Variants in CFAP92 observed in about 807,000 individuals in gnomAD.
CFAP92 encodes the protein cilia and flagella associated protein 92 (putative).
CFAP92 carries 86 observed loss-of-function variants against 106.3 expected under a neutral mutation model. That is an observed-to-expected ratio of 0.81 (90% CI 0.68 to 0.97). The LOEUF is 0.97. CFAP92 is among the 50% of genes least tolerant of loss of function. The pLI, the probability that CFAP92 is intolerant of heterozygous loss-of-function variation, is 0.00. For synonymous variants in CFAP92, 477 were observed against 506.4 expected, an observed-to-expected ratio of 0.94 and a Z score of 0.78; for missense variants, 1,204 against 1,283.8, an observed-to-expected ratio of 0.94 and a Z score of 0.95.
intron 12 of CFAP92, among the ~76,000 whole-genome samples, chr3:128,920,845 C>T (rs2107685041): frequency 6.6e-6 from 1 of 152,340 alleles, no homozygotes; most frequent in East Asian, 1.9e-4. Context: ...TTGTTGGCTC[C>T]TTGCTTCTAG....
At position 128,921,806 on chromosome 3, in the gene CFAP92, G is replaced by A. The variant is rs542554913; in HGVS notation, c.2752-5535C>T. On this transcript the variant is annotated intron_variant, in intron 12 of 15. Coordinates refer to ENST00000645291, the MANE Select transcript of CFAP92 (RefSeq NM_001394090.1). ...CCCCTCAACAAACCAAGGCATATCC[G>A]GCACAGCCAGTGCCCTTACAAACAT... Among the ~76,000 whole-genome samples, 17 of 152,196 alleles carry A rather than the reference G, an allele frequency of 1.1e-4. No homozygotes were observed. The South Asian group carries it at 1.2e-3, about 11-fold the overall frequency.
At position 128,916,274 on chromosome 3, in the gene CFAP92, GAAGA is replaced by G. The variant is rs959734029; in HGVS notation, c.2752-7_2752-4del. The G allele has an allele frequency of 4.9e-6, 6 of 1,231,930 alleles. No individual in the cohort carries two copies. Among genetic ancestry groups the G allele is most frequent in the Admixed American group, 8.4e-5 (2 of 23,682 alleles). 76.3% of individuals were successfully genotyped at this position (1,231,930 alleles called of 1,614,324 possible). A position where few individuals can be genotyped will look rare whatever the true frequency, so the allele number is the denominator to read the frequency against. ...TGGTAGGCTTCTGTGATATTTTTCT[GAAGA>G]AAGAGACACCAGTCACTACCCACAC... On this transcript the variant is annotated splice_region_variant and splice_polypyrimidine_tract_variant and intron_variant, in intron 12 of 15. Transcript: ENST00000645291.
At chr3:129,025,533 A>G in the CFAP92 span, among the ~76,000 whole-genome samples, 1 of 152,234 alleles carries the variant, frequency 6.6e-6, no homozygotes, top group South Asian at 2.1e-4. Context: ...TAGTAGGCAC[A>G]GTGCTTTCAA....
intron 12 of CFAP92, among the ~76,000 whole-genome samples, chr3:128,931,088 T>C (rs1316988195): frequency 6.6e-6 from 1 of 152,168 alleles, no homozygotes; most frequent in Non-Finnish European, 1.5e-5. Context: ...GTATTTTTAG[T>C]AGAGACGGGT....
the CFAP92 span, among the ~76,000 whole-genome samples, chr3:129,025,298 C>G: frequency 1.3e-5 from 2 of 151,926 alleles, no homozygotes; most frequent in Non-Finnish European, 2.9e-5. Flanking sequence ...GGGGTCGGGA[C>G]GGAGAGGCAA....
chr3:129,022,884 G>A, the CFAP92 span, among the ~76,000 whole-genome samples: 1 of 152,238 alleles, frequency 6.6e-6, no homozygotes, highest in Non-Finnish European at 1.5e-5. Flanking sequence ...GGGCAGGGAG[G>A]TTGGGCCTTT....
intron 9 of CFAP92, among the ~76,000 whole-genome samples, chr3:128,961,260 C>T (rs1052219490): frequency 6.6e-6 from 1 of 152,162 alleles, no homozygotes; most frequent in South Asian, 2.1e-4. Context: ...ACATCAGTCC[C>T]TTCCTAGTCG....
chr3:128,943,424 G>A (rs1016035042), intron 10 of CFAP92, among the ~76,000 whole-genome samples: 9 of 152,126 alleles, frequency 5.9e-5, no homozygotes, highest in Non-Finnish European at 1.0e-4. Flanking sequence ...TGGATTTGCC[G>A]GTTCGGGACA....
chr3:129,010,740 C>T, the CFAP92 span, among the ~76,000 whole-genome samples: 1,336 of 152,220 alleles, frequency 8.8e-3, 20 homozygotes, highest in African/African-American at 0.03. The surrounding 1 kb of genome is among the most constrained non-coding windows in gnomAD (Gnocchi z 4.3). Context: ...TGGGAGGCCT[C>T]GGATTCCATC....
At chr3:129,002,558 A>C in intron 1 of CFAP92, 1 of 786,348 alleles carries the variant, frequency 1.3e-6, no homozygotes. Flanking sequence ...CCCCAATCAC[A>C]CTCAAACAAC....
intron 15 of CFAP92, chr3:128,912,672 ACTCTTTTTTC>A: frequency 7.3e-7 from 1 of 1,372,060 alleles, no homozygotes. Flanking sequence ...GATGACTGTT[ACTCTTTTTTC>A]AGAAGGTGTT....
intron 15 of CFAP92, chr3:128,912,687 G>A (rs1936477612): frequency 2.3e-6 from 3 of 1,278,950 alleles, no homozygotes; most frequent in Admixed American, 1.7e-5. Flanking sequence ...TTTTTCAGAA[G>A]GTGTTGGGAT....
chr3:129,022,914 G>A, the CFAP92 span, among the ~76,000 whole-genome samples: 9 of 152,182 alleles, frequency 5.9e-5, no homozygotes, highest in Admixed American at 2.6e-4. Context: ...TTCCAGCACC[G>A]GTTCCCAAGC....
At chr3:128,921,082 C>T (rs1182448090) in intron 12 of CFAP92, among the ~76,000 whole-genome samples, 2 of 152,190 alleles carry the variant, frequency 1.3e-5, no homozygotes, top group East Asian at 1.9e-4. Context: ...CCTTCACAGC[C>T]TCCATACTAG....
At chr3:128,924,207 G>C (rs114528493) in intron 12 of CFAP92, among the ~76,000 whole-genome samples, 2,773 of 152,132 alleles carry the variant, frequency 0.018, 88 homozygotes, top group African/African-American at 0.063. Context: ...AACATGTCTG[G>C]GGTCCAGGGT....
At chr3:128,910,692 T>C in intron 15 of CFAP92, 1 of 1,606,442 alleles carries the variant, frequency 6.2e-7, no homozygotes, top group Non-Finnish European at 8.5e-7. Context: ...AGCTCAGAGG[T>C]CTGATTCCAG....
chr3:128,950,695 C>T (rs1267900697), intron 9 of CFAP92, among the ~76,000 whole-genome samples: 1 of 152,194 alleles, frequency 6.6e-6, no homozygotes, highest in Non-Finnish European at 1.5e-5. Flanking sequence ...AGGGGGTGCT[C>T]AACTCCTCCC....
intron 12 of CFAP92, among the ~76,000 whole-genome samples, chr3:128,919,429 G>C: frequency 6.6e-6 from 1 of 152,016 alleles, no homozygotes; most frequent in East Asian, 1.9e-4. Context: ...TATCAAAAGG[G>C]GCAAAAGGAT....
intron 11 of CFAP92, 73 bp from the exon 12 acceptor site, chr3:128,933,070 A>G: frequency 2.9e-6 from 4 of 1,379,248 alleles, no homozygotes; most frequent in Non-Finnish European, 4.0e-6. Flanking sequence ...CCCATCCTAC[A>G]GCAGGAAATG....
Sources: gnomAD v4.1 joint callset for allele counts (sites outside exome capture counted in the v4.1 genomes callset) on GRCh38, gnomAD v4.1.1 for gene constraint, Gnocchi (gnomAD v3.1) non-coding constraint, MANE v1.5 for transcripts, NCBI Gene and HGNC (gene_info 2026-07-23, HGNC 2026-07-21) for gene names.